Variants in LRRC4C observed in about 807,000 individuals in gnomAD.
LRRC4C encodes leucine rich repeat containing 4C.
Under a neutral mutation model 33.6 loss-of-function variants are expected in LRRC4C, and 5 were observed. That is an observed-to-expected ratio of 0.15 (90% CI 0.08 to 0.31). The LOEUF (loss-of-function observed/expected upper bound fraction) is 0.31, where lower values mean the gene tolerates loss of function less well. LRRC4C is among the 10% of genes least tolerant of loss of function. LRRC4C has a pLI of 1.00. For missense variants in LRRC4C, 560 were observed against 796.7 expected (o/e 0.70, Z 3.58); for synonymous variants, 329 against 302.0 (o/e 1.09, Z -0.93).
chr11:41,291,306 G>A (rs187783030), intron 1 of LRRC4C, among the ~76,000 whole-genome samples: 19 of 152,156 alleles, frequency 1.2e-4, no homozygotes, highest in Admixed American at 2.0e-4. Flanking sequence ...ACACTCAGGG[G>A]TAATAAATAA....
At chr11:41,426,836 T>C (rs150535649) in intron 1 of LRRC4C, among the ~76,000 whole-genome samples, 161 of 152,294 alleles carry the variant, frequency 1.1e-3, no homozygotes, top group African/African-American at 3.7e-3. Flanking sequence ...GCATAGCTTG[T>C]TGACTTCCCA....
chr11:41,117,279 T>G (rs935359785), intron 1 of LRRC4C, among the ~76,000 whole-genome samples: 1 of 152,120 alleles, frequency 6.6e-6, no homozygotes, highest in African/African-American at 2.4e-5. Context: ...AATAAATTGC[T>G]CTGTTTGTAG....
intron 1 of LRRC4C, among the ~76,000 whole-genome samples, chr11:40,936,582 C>T (rs907054701): frequency 2.8e-4 from 43 of 151,844 alleles, no homozygotes; most frequent in African/African-American, 1.0e-3. Context: ...ATGATCCACC[C>T]GCCTCTGCCT....
intron 2 of LRRC4C, among the ~76,000 whole-genome samples, chr11:40,891,677 G>T (rs1383976613): frequency 6.6e-6 from 1 of 152,122 alleles, no homozygotes; most frequent in Non-Finnish European, 1.5e-5. Flanking sequence ...GATCATCCGA[G>T]AAATGCAAAT....
intron 3 of LRRC4C, among the ~76,000 whole-genome samples, chr11:40,637,348 G>C (rs975092546): frequency 6.6e-6 from 1 of 152,136 alleles, no homozygotes; most frequent in Admixed American, 6.5e-5. Context: ...GACACGATAA[G>C]ATCAAGTGAC....
At chr11:41,251,350 C>T (rs1005618356) in intron 1 of LRRC4C, among the ~76,000 whole-genome samples, 9 of 152,184 alleles carry the variant, frequency 5.9e-5, no homozygotes, top group Non-Finnish European at 1.3e-4. Context: ...ACCGTCTGCC[C>T]TACCTCCTGA....
At chr11:40,899,620 G>T (rs542517485) in intron 2 of LRRC4C, among the ~76,000 whole-genome samples, 2 of 152,284 alleles carry the variant, frequency 1.3e-5, no homozygotes, top group South Asian at 4.1e-4. Flanking sequence ...TTAATGAAGA[G>T]TATTTCTGTG....
chr11:40,841,180 G>T (rs1169831939), intron 2 of LRRC4C, among the ~76,000 whole-genome samples: 1 of 152,156 alleles, frequency 6.6e-6, no homozygotes, highest in Non-Finnish European at 1.5e-5. Context: ...TCTAGTTTAA[G>T]ATAAGGAAAT....
chr11:40,562,261 C>A (rs906298101), intron 3 of LRRC4C, among the ~76,000 whole-genome samples: 1 of 152,130 alleles, frequency 6.6e-6, no homozygotes, highest in Admixed American at 6.5e-5. Context: ...AACTAGATTT[C>A]TTAAATGTTA....
At chr11:40,564,999 G>T (rs973702457) in intron 3 of LRRC4C, among the ~76,000 whole-genome samples, 4 of 152,136 alleles carry the variant, frequency 2.6e-5, no homozygotes, top group African/African-American at 9.7e-5. Flanking sequence ...AGATCGCTCT[G>T]GGATAAGGGA....
intron 2 of LRRC4C, among the ~76,000 whole-genome samples, chr11:40,870,998 C>T (rs552977683): frequency 6.6e-6 from 1 of 152,206 alleles, no homozygotes; most frequent in South Asian, 2.1e-4. Flanking sequence ...CTGAAATGGC[C>T]ACTTCGGCGG....
At chr11:40,721,159 A>G (rs1159973833) in intron 2 of LRRC4C, among the ~76,000 whole-genome samples, 1 of 152,178 alleles carries the variant, frequency 6.6e-6, no homozygotes, top group Admixed American at 6.5e-5. Context: ...TCCCAAATTT[A>G]TCTATTAAAA....
intron 1 of LRRC4C, among the ~76,000 whole-genome samples, chr11:41,107,209 A>G (rs1941558778): frequency 6.6e-6 from 1 of 151,972 alleles, no homozygotes; most frequent in South Asian, 2.1e-4. Flanking sequence ...ATTCTGGAGC[A>G]TTTGGATTTT....
chr11:40,223,712 C>A (rs770859336), intron 5 of LRRC4C, among the ~76,000 whole-genome samples: 3 of 152,128 alleles, frequency 2.0e-5, no homozygotes, highest in Non-Finnish European at 4.4e-5. Flanking sequence ...GACAAAATAC[C>A]AATAAAAGGT....
chr11:40,755,020 C>G (rs1227831404), intron 2 of LRRC4C, among the ~76,000 whole-genome samples: 1 of 152,052 alleles, frequency 6.6e-6, no homozygotes, highest in African/African-American at 2.4e-5. Flanking sequence ...ATTTTCCAGT[C>G]TGACATACAT....
chr11:40,164,063 G>T (rs1246596061), intron 5 of LRRC4C, among the ~76,000 whole-genome samples: 2 of 152,150 alleles, frequency 1.3e-5, no homozygotes, highest in Non-Finnish European at 2.9e-5. Flanking sequence ...CCATGTGGTT[G>T]TGAGAGGGTC....
intron 2 of LRRC4C, among the ~76,000 whole-genome samples, chr11:40,805,846 T>C (rs939308391): frequency 5.3e-5 from 8 of 152,106 alleles, no homozygotes; most frequent in African/African-American, 1.9e-4. Context: ...TCTATTTATG[T>C]AGGTATGACT....
rs543376770 is a variant in LRRC4C at position 40,989,680 on chromosome 11, G to A, written c.-495-55957C>T. The stretch of plus-strand genomic sequence containing the variant: ...TTATCTGGGTTGATTTTGTGGGTGG[G>A]GGAGATTTAATCTCCTCCCCCCAAA... On this transcript the variant is annotated intron_variant, in intron 1 of 6. Transcript: ENST00000528697. Among the ~76,000 whole-genome samples the A allele has an allele frequency of 2.0e-5, 3 of 151,960 alleles. No homozygotes were observed. The South Asian group carries it at 6.2e-4, about 32-fold the overall frequency.
intron 3 of LRRC4C, among the ~76,000 whole-genome samples, chr11:40,336,833 C>T (rs937332652): frequency 1.3e-5 from 2 of 151,534 alleles, no homozygotes; most frequent in Non-Finnish European, 2.9e-5. Context: ...AAAAATTAGT[C>T]GGGAGTGGCG....
Sources: allele counts gnomAD v4.1 joint callset (sites outside exome capture counted in the v4.1 genomes callset), GRCh38; gene constraint gnomAD v4.1.1; transcripts MANE v1.5; gene names NCBI Gene and HGNC (gene_info 2026-07-23, HGNC 2026-07-21).